GNG2: variants seen among roughly 807,000 people sequenced by gnomAD.
GNG2 encodes the protein guanine nucleotide-binding protein G(I)/G(S)/G(O) subunit gamma-2.
GNG2 carries 5 observed loss-of-function variants against 5.5 expected under a neutral mutation model. The ratio of observed to expected loss-of-function variants is 0.91; its 90% CI spans 0.48 to 1.92. The LOEUF (loss-of-function observed/expected upper bound fraction) is 1.92, where lower values mean the gene tolerates loss of function less well. Among genes scored for constraint, GNG2 ranks in the 30% most tolerant of loss-of-function variants. The pLI is 0.01. For missense variants in GNG2, 55 were observed against 88.4 expected, an observed-to-expected ratio of 0.62 and a Z score of 1.52; for synonymous variants, 28 against 32.0, an observed-to-expected ratio of 0.88 and a Z score of 0.42.
At chr14:51,917,295 G>C (rs763626224) in intron 2 of GNG2, 1 of 454,766 alleles carries the variant, frequency 2.2e-6, no homozygotes, top group South Asian at 1.6e-5. Context: ...GCCACGAAGA[G>C]GGATAGGGAA....
chr14:51,915,743 G>A (rs2140212408), intron 2 of GNG2, among the ~76,000 whole-genome samples: 1 of 152,178 alleles, frequency 6.6e-6, no homozygotes, highest in Non-Finnish European at 1.5e-5. Flanking sequence ...CTTTAAATTA[G>A]TGCTTTGAAA....
At chr14:51,933,245 A>G (rs554527806) in intron 2 of GNG2, among the ~76,000 whole-genome samples, 1 of 152,352 alleles carries the variant, frequency 6.6e-6, no homozygotes, top group South Asian at 2.1e-4. Context: ...ACAGGGGTCA[A>G]ATAAGATTAG....
chr14:51,849,075 T>A (rs189842622), intron 2 of GNG2, among the ~76,000 whole-genome samples: 1 of 152,324 alleles, frequency 6.6e-6, no homozygotes, highest in East Asian at 1.9e-4. Context: ...ATCTTAACAT[T>A]TCTGGCCCTC....
chr14:51,913,732 C>G (rs1232344892), intron 2 of GNG2, among the ~76,000 whole-genome samples: 2 of 152,170 alleles, frequency 1.3e-5, no homozygotes, highest in East Asian at 3.8e-4. Context: ...GCACAGAGCT[C>G]TTAGTACTGC....
At chr14:51,836,854 A>C (rs1186045756) in intron 2 of GNG2, among the ~76,000 whole-genome samples, 1 of 106,654 alleles carries the variant, frequency 9.4e-6, no homozygotes, top group Non-Finnish European at 2.0e-5. Context: ...AAGTGACTTC[A>C]TCTTTTTTTT....
At position 51,876,029 on chromosome 14, in the gene GNG2, C is replaced by T. The variant is rs1883639843; in HGVS notation, c.-70-1588C>T. 2.7e-5 allele frequency among the ~76,000 whole-genome samples: 4 copies of T among 149,498 alleles called. No homozygotes were observed. In the Admixed American group the frequency reaches 2.7e-4, roughly 10 times the overall value. On this transcript the variant is annotated intron_variant, in intron 1 of 3. Coordinates refer to ENST00000556766, the MANE Select transcript of GNG2 (RefSeq NM_053064.5). The stretch of plus-strand genomic sequence containing the variant: ...TATGGCTCACTATAGCCTCACTCTC[C>T]TGGGCTCAAGCTATCCTCCCACCTC...
In GNG2 at chr14:51,966,838, TC is replaced by T. The variant is rs1889947313; in HGVS notation, c.*155del. ...AGGCTATGCATGTTTAAAGATCTGGTCCCCTTTATGAGAATGCAAGCCGATC... is the reference window on the plus strand; with the variant it reads ...AGGCTATGCATGTTTAAAGATCTGGTCCCTTTATGAGAATGCAAGCCGATC... On this transcript the variant is annotated 3_prime_UTR_variant, in exon 4 of 4. Transcript: ENST00000556766. 3 of 630,498 alleles carry T rather than the reference TC, an allele frequency of 4.8e-6. No individual in the cohort carries two copies. The East Asian group carries it at 8.4e-5, about 18-fold the overall frequency. The allele number at this position is 630,498 out of a possible 1,614,324, so 39.1% of individuals were successfully genotyped here.
intron 2 of GNG2, chr14:51,916,602 G>A (rs867448859): frequency 2.4e-5 from 10 of 409,024 alleles, no homozygotes; most frequent in Admixed American, 9.0e-5. Flanking sequence ...TGGCCATTGA[G>A]GGGGAGGAAG....
intron 2 of GNG2, among the ~76,000 whole-genome samples, chr14:51,938,702 C>T (rs1196597912): frequency 6.6e-6 from 1 of 152,212 alleles, no homozygotes; most frequent in African/African-American, 2.4e-5. Context: ...CAGTGAATTT[C>T]ACACAAGGGG....
intron 2 of GNG2, among the ~76,000 whole-genome samples, chr14:51,948,848 G>A (rs368560054): frequency 4.9e-4 from 74 of 152,252 alleles, no homozygotes; most frequent in South Asian, 2.3e-3. Flanking sequence ...ATGGCCGGGC[G>A]TGGTGGCTCA....
chr14:51,890,150 T>A (rs35192783), intron 2 of GNG2, among the ~76,000 whole-genome samples: 5,962 of 152,306 alleles, frequency 0.039, 122 homozygotes, highest in Middle Eastern at 0.061. Flanking sequence ...ACAGACTTCC[T>A]CCCTTTCTAA....
At chr14:51,917,867 A>C (rs1332074805) in intron 2 of GNG2, among the ~76,000 whole-genome samples, 2 of 152,066 alleles carry the variant, frequency 1.3e-5, no homozygotes, top group African/African-American at 4.8e-5. Context: ...CTCTACTAAA[A>C]ACACAAAAAT....
At chr14:51,858,153 T>G (rs1186172107), upstream of GNG2, among the ~76,000 whole-genome samples, 1 of 152,190 alleles carries the variant, frequency 6.6e-6, no homozygotes, top group Admixed American at 6.5e-5. Flanking sequence ...CCTAAGAAAT[T>G]AACACTTTGC....
intron 3 of GNG2, among the ~76,000 whole-genome samples, chr14:51,961,681 G>A (rs1889623401): frequency 6.6e-6 from 1 of 152,178 alleles, no homozygotes; most frequent in South Asian, 2.1e-4. Context: ...CAAGGAGGTG[G>A]TATTTCTGCT....
chr14:51,914,146 A>G (rs1225873703), intron 2 of GNG2: 2 of 685,782 alleles, frequency 2.9e-6, no homozygotes, highest in South Asian at 1.5e-5. Flanking sequence ...TTTTTGGGGG[A>G]ATGGAGTCAT....
intron 2 of GNG2, among the ~76,000 whole-genome samples, chr14:51,949,385 T>G (rs543068874): frequency 6.6e-6 from 1 of 152,320 alleles, no homozygotes; most frequent in Admixed American, 6.5e-5. Flanking sequence ...TTTTAGTTGG[T>G]AGGTTAAAAA....
chr14:51,843,724 T>G (rs1442992241), intron 2 of GNG2, among the ~76,000 whole-genome samples: 1 of 152,156 alleles, frequency 6.6e-6, no homozygotes, highest in Non-Finnish European at 1.5e-5. Flanking sequence ...GACTAACAGT[T>G]TTAATGGTTC....
intron 2 of GNG2, among the ~76,000 whole-genome samples, chr14:51,906,057 G>C (rs868404219): frequency 6.6e-6 from 1 of 152,220 alleles, no homozygotes; most frequent in African/African-American, 2.4e-5. Context: ...AACTGAAACA[G>C]ATAGCATTTT....
intron 2 of GNG2, among the ~76,000 whole-genome samples, chr14:51,945,125 C>CA (rs1888566484): frequency 1.5e-5 from 2 of 130,524 alleles, no homozygotes; most frequent in Non-Finnish European, 3.5e-5. Context: ...CAAAACAAAA[C>CA]AAACAAACAA....
Sources: allele counts gnomAD v4.1 joint callset (sites outside exome capture counted in the v4.1 genomes callset), GRCh38; gene constraint gnomAD v4.1.1; transcripts MANE v1.5; gene names NCBI Gene and HGNC (gene_info 2026-07-23, HGNC 2026-07-21).